Variants in KAT6B observed in about 807,000 individuals in gnomAD.
KAT6B encodes histone acetyltransferase KAT6B.
Under a neutral mutation model 187.5 loss-of-function variants are expected in KAT6B, and 10 were observed. The ratio of observed to expected loss-of-function variants is 0.05; its 90% confidence interval spans 0.03 to 0.09. KAT6B has a LOEUF of 0.09. KAT6B is among the 10% of genes least tolerant of loss of function. The pLI is 1.00. For synonymous variants in KAT6B, 861 were observed against 926.8 expected (o/e 0.93, Z 1.29); for missense variants, 1,952 against 2,558.9 (o/e 0.76, Z 5.12).
At chr10:75,023,257 G>T (rs1845574104) in intron 16 of KAT6B, among the ~76,000 whole-genome samples, 1 of 152,186 alleles carries the variant, frequency 6.6e-6, no homozygotes, top group African/African-American at 2.4e-5. Context: ...ACAAGCTAAG[G>T]CTCCGCCCCA....
rs933007979 is a variant in KAT6B, at chr10:74,965,442, G to T, written c.731-4218G>T. 3.3e-5 allele frequency among the ~76,000 whole-genome samples: 5 copies of T among 152,290 alleles called. No homozygotes were observed. In the East Asian group the frequency reaches 7.7e-4, roughly 23 times the overall value. The stretch of plus-strand genomic sequence containing the variant: ...TGTGATCTGGAAGGGTGGGAACCAT[G>T]CCTCTCCTTTTCCTCACTGTATCCA... On this transcript the variant is annotated intron_variant, in intron 4 of 17. Coordinates refer to ENST00000287239, the MANE Select transcript of KAT6B (RefSeq NM_012330.4).
chr10:74,849,323 T>C (rs1842317904), intron 3 of KAT6B, among the ~76,000 whole-genome samples: 1 of 150,492 alleles, frequency 6.6e-6, no homozygotes, highest in Non-Finnish European at 1.5e-5. Context: ...AGATGGAATC[T>C]CACTCTGTCA....
At chr10:74,845,513 C>A (rs1842032018) in intron 3 of KAT6B, among the ~76,000 whole-genome samples, 1 of 121,974 alleles carries the variant, frequency 8.2e-6, no homozygotes, top group Admixed American at 9.2e-5. Context: ...CAGAGCGAGA[C>A]TCTGTCTCAA....
At chr10:75,012,001 A>G (rs1194181989) in intron 13 of KAT6B, among the ~76,000 whole-genome samples, 2 of 152,118 alleles carry the variant, frequency 1.3e-5, no homozygotes, top group African/African-American at 4.8e-5. Context: ...ATAGTCCCCC[A>G]AGGCCCTTTC....
At chr10:74,999,144 C>G (rs1425855013) in intron 13 of KAT6B, among the ~76,000 whole-genome samples, 1 of 152,176 alleles carries the variant, frequency 6.6e-6, no homozygotes, top group African/African-American at 2.4e-5. Context: ...CAATGGAGGC[C>G]TGACAGTGAG....
At chr10:74,987,491 A>G (rs1842882568) in intron 12 of KAT6B, among the ~76,000 whole-genome samples, 2 of 152,118 alleles carry the variant, frequency 1.3e-5, no homozygotes, top group South Asian at 2.1e-4. Flanking sequence ...AATCTAGAGG[A>G]CTCTGGCCCT....
At chr10:74,877,251 C>T (rs1356243143) in intron 3 of KAT6B, among the ~76,000 whole-genome samples, 1 of 152,190 alleles carries the variant, frequency 6.6e-6, no homozygotes, top group African/African-American at 2.4e-5. Context: ...CAGGCATGAG[C>T]CACCACACCC....
At chr10:74,937,039 A>G (rs994900251) in intron 3 of KAT6B, among the ~76,000 whole-genome samples, 1 of 152,182 alleles carries the variant, frequency 6.6e-6, no homozygotes, top group Non-Finnish European at 1.5e-5. Context: ...AAATTATGTA[A>G]TGTCTGAAAA....
intron 3 of KAT6B, among the ~76,000 whole-genome samples, chr10:74,844,786 CAAAGT>C (rs1412859975): frequency 6.6e-6 from 1 of 152,180 alleles, no homozygotes; most frequent in Non-Finnish European, 1.5e-5. Context: ...AAACTAAACA[CAAAGT>C]AGAGCAGCAG....
intron 3 of KAT6B, among the ~76,000 whole-genome samples, chr10:74,893,792 C>G (rs774880268): frequency 6.6e-6 from 1 of 151,606 alleles, no homozygotes; most frequent in Non-Finnish European, 1.5e-5. Context: ...TTTAATGTTA[C>G]TAAATCCTGA....
chr10:74,881,837 A>G (rs963002921), intron 3 of KAT6B, among the ~76,000 whole-genome samples: 1 of 152,096 alleles, frequency 6.6e-6, no homozygotes, highest in Non-Finnish European at 1.5e-5. Flanking sequence ...AAATTATTTT[A>G]TAGAGCTGGG....
At chr10:74,831,337 G>C (rs1840838318) in intron 1 of KAT6B, among the ~76,000 whole-genome samples, 1 of 151,950 alleles carries the variant, frequency 6.6e-6, no homozygotes, top group Admixed American at 6.6e-5. Context: ...CAAATTTATT[G>C]GTCTTTACTT....
intron 3 of KAT6B, among the ~76,000 whole-genome samples, chr10:74,900,548 A>C (rs975570441): frequency 6.6e-6 from 1 of 152,216 alleles, no homozygotes; most frequent in Non-Finnish European, 1.5e-5. Context: ...GTGTAGGAGC[A>C]GCCTGTTGGA....
chr10:74,901,911 GA>G (rs2132774436), intron 3 of KAT6B, among the ~76,000 whole-genome samples: 1 of 152,220 alleles, frequency 6.6e-6, no homozygotes, highest in East Asian at 1.9e-4. Flanking sequence ...GAAAGGAATG[GA>G]AAATCATTTG....
In KAT6B at chr10:75,031,170, A is replaced by G; in HGVS notation, c.*124A>G. 4 of 1,096,480 alleles carry G rather than the reference A, an allele frequency of 3.6e-6. No homozygotes were observed. Among genetic ancestry groups the G allele is most frequent in the Non-Finnish European group, 5.2e-6 (4 of 763,926 alleles). The allele number at this position is 1,096,480 out of a possible 1,614,324, so 67.9% of individuals were successfully genotyped here. ...GAATGCAAAAACATTTGTTGGCACC[A>G]TTTATTTAAAAAAAAAAAAAGCTGT... On this transcript the variant is annotated 3_prime_UTR_variant, in exon 18 of 18. Coordinates refer to ENST00000287239, the MANE Select transcript of KAT6B (RefSeq NM_012330.4).
At chr10:74,866,368 A>C (rs1393369827) in intron 3 of KAT6B, among the ~76,000 whole-genome samples, 1 of 151,980 alleles carries the variant, frequency 6.6e-6, no homozygotes, top group Admixed American at 6.6e-5. Flanking sequence ...TGTATGTATA[A>C]ATATATGTGT....
chr10:74,855,911 A>G (rs1286915762), intron 3 of KAT6B, among the ~76,000 whole-genome samples: 2 of 152,170 alleles, frequency 1.3e-5, no homozygotes, highest in Admixed American at 6.6e-5. Flanking sequence ...TATATTCACA[A>G]TTTTGACTAA....
intron 3 of KAT6B, among the ~76,000 whole-genome samples, chr10:74,952,005 CAAAT>C (rs1227180027): frequency 1.3e-5 from 2 of 152,112 alleles, no homozygotes; most frequent in Non-Finnish European, 1.5e-5. Context: ...GGGAAACAGA[CAAAT>C]AAATGATATG....
Position 75,020,823 on chromosome 10 carries a change from G to T in KAT6B, c.2861+10G>T. The T allele has an allele frequency of 6.2e-7, 1 of 1,611,838 alleles. No homozygotes were observed. The highest frequency in any genetic ancestry group is 2.2e-5 in the East Asian group (1 of 44,860). Reference sequence around the variant, plus strand: ...ACAAGAGAGATGGCAGGTGAGTCCTGGGACCCTGGGCAGCTCCGTGGCTCA... The same window carrying T: ...ACAAGAGAGATGGCAGGTGAGTCCTTGGACCCTGGGCAGCTCCGTGGCTCA... On this transcript the variant is annotated intron_variant, in intron 14 of 17. Transcript: ENST00000287239.
Sources: gnomAD v4.1 joint callset for allele counts (sites outside exome capture counted in the v4.1 genomes callset) on GRCh38, gnomAD v4.1.1 for gene constraint, MANE v1.5 for transcripts, NCBI Gene and HGNC (gene_info 2026-07-23, HGNC 2026-07-21) for gene names.